Variants in EVI5 observed in about 807,000 individuals in gnomAD.
EVI5 encodes the protein ecotropic viral integration site 5, also known as ecotropic viral integration site 5 protein homolog.
Under a neutral mutation model 112.0 loss-of-function variants are expected in EVI5, and 73 were observed. The observed-to-expected ratio is 0.65, with a 90% CI of 0.54 to 0.79. EVI5 has a LOEUF of 0.79. EVI5 is among the 30% of genes least tolerant of loss of function. The pLI is 0.00. For synonymous variants in EVI5, 305 were observed against 319.9 expected (o/e 0.95, Z 0.50); for missense variants, 900 against 968.8 (o/e 0.93, Z 0.94).
chr1:92,581,293 C>T (rs1009511879), intron 18 of EVI5, among the ~76,000 whole-genome samples: 1 of 152,180 alleles, frequency 6.6e-6, no homozygotes, highest in African/African-American at 2.4e-5. Context: ...ATATCTTGTA[C>T]TACCTAGTTG....
intron 1 of EVI5, among the ~76,000 whole-genome samples, chr1:92,763,644 C>T (rs1337614715): frequency 6.6e-6 from 1 of 151,912 alleles, no homozygotes. Flanking sequence ...TTAATTTAAA[C>T]ATTTGGGGCT....
intron 16 of EVI5, among the ~76,000 whole-genome samples, chr1:92,618,457 C>T (rs1424110435): frequency 1.3e-5 from 2 of 152,150 alleles, no homozygotes; most frequent in South Asian, 2.1e-4. Flanking sequence ...ATGACTGACC[C>T]GGACTATCAA....
chr1:92,790,498 A>G (rs1048530186), intron 1 of EVI5, among the ~76,000 whole-genome samples: 5 of 151,508 alleles, frequency 3.3e-5, no homozygotes, highest in African/African-American at 1.2e-4. Context: ...AACTCCTACT[A>G]ATGTTCAAAA....
At chr1:92,575,977 T>C (rs1671018954) in intron 18 of EVI5, among the ~76,000 whole-genome samples, 1 of 152,202 alleles carries the variant, frequency 6.6e-6, no homozygotes, top group Non-Finnish European at 1.5e-5. Flanking sequence ...TCCAACATTA[T>C]TCCAAATAAA....
At chr1:92,615,897 A>G (rs779538984) in intron 16 of EVI5, among the ~76,000 whole-genome samples, 1 of 152,256 alleles carries the variant, frequency 6.6e-6, no homozygotes, top group Non-Finnish European at 1.5e-5. Context: ...TCTGGAAAAC[A>G]AACCATGGGA....
At chr1:92,751,764 G>A (rs1045031339) in intron 1 of EVI5, among the ~76,000 whole-genome samples, 94 of 152,268 alleles carry the variant, frequency 6.2e-4, no homozygotes, top group African/African-American at 2.2e-3. Context: ...TGTAATCTCA[G>A]CACTTTGGGA....
At chr1:92,663,260 C>T in intron 12 of EVI5, among the ~76,000 whole-genome samples, 160 bp downstream of exon 12, 1 of 152,028 alleles carries the variant, frequency 6.6e-6, no homozygotes, top group African/African-American at 2.4e-5. Flanking sequence ...CACCTTGTTA[C>T]AAAAAATTAA....
At chr1:92,767,710 T>C (rs970738056) in intron 1 of EVI5, among the ~76,000 whole-genome samples, 3 of 152,256 alleles carry the variant, frequency 2.0e-5, no homozygotes, top group Admixed American at 2.0e-4. Flanking sequence ...CTTTGAATCT[T>C]GGTTTCCTTG....
intron 13 of EVI5, among the ~76,000 whole-genome samples, chr1:92,650,337 T>C (rs1401502736): frequency 6.6e-6 from 1 of 152,214 alleles, no homozygotes; most frequent in Non-Finnish European, 1.5e-5. Flanking sequence ...TATTTATATC[T>C]TCTTTATTTT....
intron 2 of EVI5, among the ~76,000 whole-genome samples, chr1:92,735,352 A>G (rs1677144052): frequency 6.6e-6 from 1 of 152,108 alleles, no homozygotes; most frequent in African/African-American, 2.4e-5. Flanking sequence ...TGCAAACTAC[A>G]GTGGCTGCCT....
intron 18 of EVI5, among the ~76,000 whole-genome samples, chr1:92,575,941 T>C (rs890174730): frequency 3.9e-5 from 6 of 152,192 alleles, no homozygotes; most frequent in African/African-American, 1.4e-4. Flanking sequence ...GTATATTATC[T>C]AAGCTGAAAC....
chr1:92,641,338 G>A (rs948441155), intron 13 of EVI5, among the ~76,000 whole-genome samples: 1 of 152,058 alleles, frequency 6.6e-6, no homozygotes, highest in Non-Finnish European at 1.5e-5. Context: ...GCTTTTCATA[G>A]GTAGGTTAGC....
At chr1:92,642,590 T>C (rs1042685102) in intron 13 of EVI5, among the ~76,000 whole-genome samples, 2 of 152,226 alleles carry the variant, frequency 1.3e-5, no homozygotes, top group Non-Finnish European at 2.9e-5. Context: ...AAACATTTTC[T>C]AAAATACATT....
intron 19 of EVI5, among the ~76,000 whole-genome samples, chr1:92,531,582 C>T (rs1414369392): frequency 3.3e-5 from 5 of 152,224 alleles, no homozygotes; most frequent in African/African-American, 9.6e-5. Flanking sequence ...AGACTAACAA[C>T]GGATCTCTCA....
At chr1:92,634,816 A>G (rs1048929680) in intron 14 of EVI5, among the ~76,000 whole-genome samples, 2 of 151,942 alleles carry the variant, frequency 1.3e-5, no homozygotes, top group Admixed American at 6.6e-5. Context: ...GGTTTTATCT[A>G]CGTTTGGTCT....
intron 9 of EVI5, among the ~76,000 whole-genome samples, chr1:92,691,147 A>T (rs1669442457): frequency 6.6e-6 from 1 of 152,234 alleles, no homozygotes; most frequent in Non-Finnish European, 1.5e-5. Flanking sequence ...ATACAATGAA[A>T]TCAATGGCAA....
At chr1:92,744,647 G>C (rs914897004) in intron 1 of EVI5, among the ~76,000 whole-genome samples, 2 of 150,258 alleles carry the variant, frequency 1.3e-5, no homozygotes, top group East Asian at 3.9e-4. Flanking sequence ...CACACACACA[G>C]AGGACGGCAG....
intron 13 of EVI5, among the ~76,000 whole-genome samples, chr1:92,643,194 A>G (rs775226978): frequency 7.2e-5 from 11 of 152,094 alleles, no homozygotes; most frequent in Non-Finnish European, 1.6e-4. Context: ...AAATACTTAA[A>G]TGGAAAGTTT....
intron 14 of EVI5, among the ~76,000 whole-genome samples, chr1:92,628,652 G>A (rs1325558995): frequency 6.6e-6 from 1 of 152,114 alleles, no homozygotes; most frequent in South Asian, 2.1e-4. Flanking sequence ...CTTCTCTGGA[G>A]AGTTACCAAG....
Sources: gnomAD v4.1 joint callset for allele counts (sites outside exome capture counted in the v4.1 genomes callset) on GRCh38, gnomAD v4.1.1 for gene constraint, MANE v1.5 for transcripts, NCBI Gene and HGNC (gene_info 2026-07-23, HGNC 2026-07-21) for gene names.